C4orf36: variants seen among roughly 807,000 people sequenced by gnomAD.
C4orf36 encodes chromosome 4 open reading frame 36.
C4orf36 carries 11 observed loss-of-function variants against 12.2 expected under a neutral mutation model. The ratio of observed to expected loss-of-function variants is 0.90; its 90% CI spans 0.57 to 1.49. The LOEUF is 1.49. Ranked by LOEUF, C4orf36 falls within the 40% of genes most tolerant of loss-of-function variation. The pLI, the probability that C4orf36 is intolerant of heterozygous loss-of-function variation, is 0.00. For missense variants in C4orf36, 137 were observed against 133.9 expected (o/e 1.02, Z -0.11); for synonymous variants, 54 against 51.3 (o/e 1.05, Z -0.22).
chr4:86,913,382 T>C, the C4orf36 span: 2 of 793,434 alleles, frequency 2.5e-6, no homozygotes, highest in East Asian at 3.0e-5. Context: ...GAGACTTGAG[T>C]GATGCTATTC....
At chr4:86,902,582 G>C in the C4orf36 span, among the ~76,000 whole-genome samples, 2 of 152,248 alleles carry the variant, frequency 1.3e-5, no homozygotes, top group South Asian at 4.1e-4. Flanking sequence ...GAATCCCCCA[G>C]CGTGGTACCT....
chr4:86,892,549 G>T, upstream of C4orf36: 1 of 797,746 alleles, frequency 1.3e-6, no homozygotes, highest in Non-Finnish European at 1.5e-6. Context: ...ACCGGGCCGG[G>T]GCAGGCCGCG....
chr4:86,911,125 A>G, the C4orf36 span, among the ~76,000 whole-genome samples: 11 of 152,164 alleles, frequency 7.2e-5, no homozygotes, highest in Non-Finnish European at 1.3e-4. Flanking sequence ...TAACCAAGTC[A>G]GAATTGAGGG....
intron 3 of C4orf36, 35 bp downstream of exon 3, chr4:86,888,086 T>G: frequency 6.3e-7 from 1 of 1,599,826 alleles, no homozygotes; most frequent in Non-Finnish European, 8.5e-7. Flanking sequence ...CACACTGAAT[T>G]TATAACTTAT....
upstream of C4orf36, among the ~76,000 whole-genome samples, chr4:86,894,796 C>T (rs113917113): frequency 6.7e-3 from 1,015 of 152,254 alleles, 13 homozygotes; most frequent in African/African-American, 0.023. Flanking sequence ...TGAAAGGACA[C>T]TCAAGCTGCC....
chr4:86,922,362 T>C, the C4orf36 span, among the ~76,000 whole-genome samples: 1 of 152,158 alleles, frequency 6.6e-6, no homozygotes, highest in Admixed American at 6.5e-5. Flanking sequence ...AGAGCATGAA[T>C]GGATATTGAC....
the C4orf36 span, among the ~76,000 whole-genome samples, chr4:86,924,327 G>A: frequency 2.6e-5 from 4 of 152,266 alleles, no homozygotes; most frequent in East Asian, 7.7e-4. Context: ...AGCCTCACAA[G>A]TAGCTGGGAT....
At chr4:86,913,526 G>A in the C4orf36 span, 1 of 869,866 alleles carries the variant, frequency 1.1e-6, no homozygotes, top group Non-Finnish European at 1.9e-6. Flanking sequence ...TGAAGGTCAG[G>A]CAGCCTCGGT....
At chr4:86,906,919 A>C in the C4orf36 span, among the ~76,000 whole-genome samples, 2 of 151,974 alleles carry the variant, frequency 1.3e-5, no homozygotes, top group Non-Finnish European at 2.9e-5. Flanking sequence ...GCACACCTGT[A>C]ATCCCAACTA....
the C4orf36 span, among the ~76,000 whole-genome samples, chr4:86,901,522 CT>C: frequency 9.9e-5 from 15 of 151,612 alleles, 1 homozygote; most frequent in African/African-American, 3.6e-4. Flanking sequence ...GTTTTCCTGC[CT>C]CAGCCTCCCA....
chr4:86,927,341 GTTTT>G, the C4orf36 span, among the ~76,000 whole-genome samples: 22 of 151,834 alleles, frequency 1.4e-4, no homozygotes, highest in African/African-American at 4.8e-4. Flanking sequence ...CCAGTCATGT[GTTTT>G]TGTTTTTGTT....
the C4orf36 span, chr4:86,913,805 A>G: frequency 1.8e-6 from 2 of 1,101,918 alleles, no homozygotes; most frequent in Non-Finnish European, 2.7e-6. Context: ...CCCAGTGCAT[A>G]CTGACTGGCT....
intron 4 of C4orf36, among the ~76,000 whole-genome samples, chr4:86,881,108 T>G (rs1747045519): frequency 6.6e-6 from 1 of 151,964 alleles, no homozygotes; most frequent in African/African-American, 2.4e-5. Flanking sequence ...TGTTGTTGTG[T>G]AGATCACTTT....
chr4:86,887,916 C>T (rs753504638), intron 3 of C4orf36, 23 bp from the exon 4 acceptor site: 1 of 1,613,398 alleles, frequency 6.2e-7, no homozygotes, highest in South Asian at 1.1e-5. Context: ...ATACACAAAA[C>T]AATCTGACAT....
chr4:86,904,307 G>A, the C4orf36 span, among the ~76,000 whole-genome samples: 1 of 152,216 alleles, frequency 6.6e-6, no homozygotes, highest in African/African-American at 2.4e-5. Flanking sequence ...ACTTCCCCGC[G>A]AGCACAGGGA....
chr4:86,882,250 C>A (rs1427386542), intron 4 of C4orf36, among the ~76,000 whole-genome samples: 1 of 152,192 alleles, frequency 6.6e-6, no homozygotes, highest in Non-Finnish European at 1.5e-5. Context: ...CCAAAGCTTT[C>A]TCAAATTCCA....
chr4:86,917,451 A>G, the C4orf36 span, among the ~76,000 whole-genome samples: 1 of 96,546 alleles, frequency 1.0e-5, no homozygotes, highest in African/African-American at 2.8e-5. Flanking sequence ...GAGAAAGAGA[A>G]AAAGAAAGAA....
intron 4 of C4orf36, among the ~76,000 whole-genome samples, chr4:86,885,037 G>T (rs890083699): frequency 6.6e-6 from 1 of 152,006 alleles, no homozygotes; most frequent in African/African-American, 2.4e-5. Context: ...ATTTCTGAGG[G>T]CTCTGTTCCA....
At chr4:86,931,020 C>A in the C4orf36 span, among the ~76,000 whole-genome samples, 1 of 152,168 alleles carries the variant, frequency 6.6e-6, no homozygotes. Context: ...ATAATTGTAG[C>A]CTGACTGTCT....
Sources: gnomAD v4.1 joint callset for allele counts (sites outside exome capture counted in the v4.1 genomes callset) on GRCh38, gnomAD v4.1.1 for gene constraint, MANE v1.5 for transcripts, NCBI Gene and HGNC (gene_info 2026-07-23, HGNC 2026-07-21) for gene names.